The following ACTN1 variants were observed in gnomAD, a reference collection of about 807,000 sequenced individuals.
ACTN1 encodes the protein alpha-actinin-1.
ACTN1 carries 30 observed loss-of-function variants against 119.6 expected under a neutral mutation model. The observed-to-expected ratio is 0.25, with a 90% confidence interval of 0.19 to 0.34. The LOEUF is 0.34. Ranked by LOEUF, ACTN1 falls within the 10% of genes least tolerant of loss-of-function variation. The pLI is 1.00. For synonymous variants in ACTN1, 429 were observed against 472.6 expected, an observed-to-expected ratio of 0.91 and a Z score of 1.20; for missense variants, 764 against 1,223.4, an observed-to-expected ratio of 0.62 and a Z score of 5.60.
chr14:68,909,736 C>T lies in ACTN1; in HGVS notation c.515+219G>A, dbSNP rs961421735. Among the ~76,000 whole-genome samples, 1 of 152,202 alleles carries T rather than the reference C, an allele frequency of 6.6e-6. No homozygotes were observed. Among genetic ancestry groups the T allele is most frequent in the Non-Finnish European group, 1.5e-5 (1 of 68,040 alleles). ...GCGCTCCCAGTAGCAAAAGCATCAA[C>T]CAAAGTTATATCAGGCAGCAGCCCC... On this transcript the variant is annotated intron_variant, in intron 5 of 21. Transcript: ENST00000394419. This position sits in a 1 kb window ranked among gnomAD's most constrained non-coding sequence, Gnocchi z 4.1.
chr14:68,879,086 C>A lies in ACTN1; in HGVS notation c.2281-17G>T. The stretch of plus-strand genomic sequence containing the variant: ...GGAGTGATCCTGGGGCCGCGGTGCG[C>A]CAGGCAGCGAGCCATGCGGTGTCAG... On this transcript the variant is annotated splice_polypyrimidine_tract_variant and intron_variant, in intron 18 of 21. Transcript: ENST00000394419. This position sits in a 1 kb window ranked among gnomAD's most constrained non-coding sequence, Gnocchi z 4.9. The A allele has an allele frequency of 6.3e-7, 1 of 1,594,756 alleles. No individual in the cohort carries two copies. Among genetic ancestry groups the A allele is most frequent in the Non-Finnish European group, 8.6e-7 (1 of 1,169,084 alleles).
chr14:68,914,767 T>A (rs2034194274), intron 3 of ACTN1, among the ~76,000 whole-genome samples: 1 of 151,978 alleles, frequency 6.6e-6, no homozygotes, highest in Non-Finnish European at 1.5e-5. Flanking sequence ...TGAGACCCTG[T>A]CTCTTAAAAA....
At chr14:68,905,976 T>C (rs1594792375) in intron 6 of ACTN1, among the ~76,000 whole-genome samples, 1 of 135,026 alleles carries the variant, frequency 7.4e-6, no homozygotes. Flanking sequence ...GAGCAAGACC[T>C]CGTCTCAAAA....
chr14:68,908,523 C>A (rs1236969233), intron 6 of ACTN1, among the ~76,000 whole-genome samples: 1 of 152,220 alleles, frequency 6.6e-6, no homozygotes, highest in African/African-American at 2.4e-5. Context: ...CCAACCCCAA[C>A]TCCAGGTCAC....
intron 3 of ACTN1, 104 bp from the exon 4 acceptor site, chr14:68,912,346 A>G: frequency 1.1e-6 from 1 of 886,622 alleles, no homozygotes. Context: ...AGGAATCAAA[A>G]GACTCCAGAG....
At chr14:68,930,987 A>G (rs1239254977) in intron 1 of ACTN1, among the ~76,000 whole-genome samples, 1 of 152,186 alleles carries the variant, frequency 6.6e-6, no homozygotes, top group African/African-American at 2.4e-5. Context: ...AGAGGGTGAG[A>G]GGCTTTCCCC....
In ACTN1 at chr14:68,912,430, G is replaced by A. The variant is rs183503075; in HGVS notation, c.341-188C>T. 4.7e-3 allele frequency among the ~76,000 whole-genome samples: 723 copies of A among 152,294 alleles called. 9 individuals are homozygous for A. The highest frequency in any genetic ancestry group is 0.034 in the South Asian group (162 of 4,828). ...TTTTCGCTCTGTCACCCAAGCTAGCGTGCAGTGGTGCAATCATGGCTCACT... is the reference window on the plus strand; with the variant it reads ...TTTTCGCTCTGTCACCCAAGCTAGCATGCAGTGGTGCAATCATGGCTCACT... On this transcript the variant is annotated intron_variant, in intron 3 of 21. Coordinates refer to ENST00000394419, the MANE Select transcript of ACTN1 (RefSeq NM_001130004.2).
rs764096882 is a variant in ACTN1, at chr14:68,921,018, T to C, written c.328A>G (p.Ile110Val). The stretch of plus-strand genomic sequence containing the variant: ...AGGTAGGCCTTACCTTCGGCTCCGA[T>C]GGACACCAGTTTGACGCCTTTGCTG... ...IASKGVKLVS[I>V]GAEEIVDGNV... Residue 110 changes from isoleucine (I) to valine (V), a missense_variant, in exon 3 of 22, where the codon ATC becomes GTC. Around this residue, in one of 4 missense-constraint regions of ACTN1, gnomAD observed 54 missense variants for 153.2 expected, o/e 0.35. Coordinates refer to ENST00000394419, the MANE Select transcript of ACTN1 (RefSeq NM_001130004.2). 7 of 1,614,026 alleles carry C rather than the reference T, an allele frequency of 4.3e-6. No individual in the cohort carries two copies. The highest frequency in any genetic ancestry group is 1.7e-5 in the Admixed American group (1 of 59,992).
rs78870194 is a variant in ACTN1 at position 68,881,890 on chromosome 14, G to A, written c.1953+568C>T. ...GACATCAAGGGGATTAAGCTGGATC[G>A]GGCGCTCAGGAACTGACCCTAGTAT... On this transcript the variant is annotated intron_variant, in intron 16 of 21. Transcript: ENST00000394419. 8.6e-5 allele frequency among the ~76,000 whole-genome samples: 13 copies of A among 150,940 alleles called. No homozygotes were observed. In the East Asian group the frequency reaches 1.2e-3, roughly 14 times the overall value.
intron 21 of ACTN1, 49 bp from the exon 22 acceptor site, chr14:68,875,066 A>AGC (rs1263072665): frequency 6.2e-7 from 1 of 1,604,530 alleles, no homozygotes; most frequent in African/African-American, 1.3e-5. Flanking sequence ...GCAGCCGTAA[A>AGC]GCGGCGCGGC....
intron 1 of ACTN1, chr14:68,977,619 C>T (rs934867001): frequency 1.1e-5 from 3 of 275,046 alleles, no homozygotes; most frequent in African/African-American, 6.9e-5. Context: ...GTTTCAGGGC[C>T]TAGGATTCCT....
chr14:68,950,462 G>GTGTGTGTGTGTGTATATATATATA lies in ACTN1; in HGVS notation c.106-24791_106-24790insTATATATATATACACACACACACA. 3.2e-3 allele frequency among the ~76,000 whole-genome samples: 403 copies of GTGTGTGTGTGTGTATATATATATA among 125,918 alleles called. 11 individuals are homozygous for GTGTGTGTGTGTGTATATATATATA. The highest frequency in any genetic ancestry group is 0.013 in the East Asian group (68 of 5,104). The allele number at this position is 125,918 out of a possible 152,430, so 82.6% of individuals were successfully genotyped here. On this transcript the variant is annotated intron_variant, in intron 1 of 21. Transcript: ENST00000394419. ...TTTACCATAATATATATGCGTGTGT[G>GTGTGTGTGTGTGTATATATATATA]TATATATATATATATAAATCAAACA...
intron 10 of ACTN1, among the ~76,000 whole-genome samples, chr14:68,891,553 G>GTATAAAATCA (rs2032489446): frequency 6.6e-6 from 1 of 152,000 alleles, no homozygotes; most frequent in Non-Finnish European, 1.5e-5. Context: ...TTTTTTTAAA[G>GTATAAAATCA]TTGATACTGG....
rs753725900 is a variant in ACTN1, at chr14:68,932,513, C to CTTT, written c.106-6844_106-6842dup. Among the ~76,000 whole-genome samples, 649 of 87,120 alleles carry CTTT rather than the reference C, an allele frequency of 7.4e-3. 5 individuals are homozygous for CTTT. The highest frequency in any genetic ancestry group is 0.028 in the East Asian group (36 of 1,298). The allele number at this position is 87,120 out of a possible 152,430, so 57.2% of individuals were successfully genotyped here. A position where few individuals can be genotyped will look rare whatever the true frequency, so the allele number is the denominator to read the frequency against. ...AGAGAACCCTGACTAATACACCCAG[C>CTTT]TTTTTTTTTTTTTTTTTTTTTTTTT... On this transcript the variant is annotated intron_variant, in intron 1 of 21. Transcript: ENST00000394419.
At chr14:68,969,485 C>T (rs897399973) in intron 1 of ACTN1, among the ~76,000 whole-genome samples, 2 of 152,216 alleles carry the variant, frequency 1.3e-5, no homozygotes, top group Non-Finnish European at 2.9e-5. Context: ...GACTGGAAAG[C>T]GCCATTATCT....
rs1226779017 is a variant in ACTN1, at chr14:68,878,795, G to A, written c.2361+194C>T. On this transcript the variant is annotated intron_variant, in intron 19 of 21. Coordinates refer to ENST00000394419, the MANE Select transcript of ACTN1 (RefSeq NM_001130004.2). This position sits in a 1 kb window ranked among gnomAD's most constrained non-coding sequence, Gnocchi z 4.4. ...GACGGAAGACAGCGGGCACCCAGTA[G>A]GTTGCCATGAAAGACAGCAGAGGGC... is the stretch of plus-strand genomic sequence containing the variant. The A allele has an allele frequency of 6.3e-7, 1 of 1,580,150 alleles. No individual in the cohort carries two copies. Among genetic ancestry groups the A allele is most frequent in the Non-Finnish European group, 8.5e-7 (1 of 1,171,112 alleles).
At chr14:68,922,204 A>C (rs1255864455) in intron 2 of ACTN1, among the ~76,000 whole-genome samples, 1 of 152,112 alleles carries the variant, frequency 6.6e-6, no homozygotes. Context: ...GCAGGTCGAC[A>C]ATCTGGCTGC....
chr14:68,905,338 C>A (rs1039019170), intron 6 of ACTN1, among the ~76,000 whole-genome samples: 1 of 152,122 alleles, frequency 6.6e-6, no homozygotes, highest in Non-Finnish European at 1.5e-5. Flanking sequence ...AATCCTTGTG[C>A]GATGAATGCA....
At position 68,874,136 on chromosome 14, in the gene ACTN1, T is replaced by C. The variant is rs917560816; in HGVS notation, c.*723A>G. On this transcript the variant is annotated 3_prime_UTR_variant, in exon 22 of 22. Coordinates refer to ENST00000394419, the MANE Select transcript of ACTN1 (RefSeq NM_001130004.2). ...CAGGCAAAGAGCTGTCATAGGAGTG[T>C]GGTTTTTTTAATACCATCTGTGCCA... The C allele has an allele frequency of 2.6e-5, 4 of 152,216 alleles. No homozygotes were observed. Among genetic ancestry groups the C allele is most frequent in the Non-Finnish European group, 4.4e-5 (3 of 68,028 alleles). 9.4% of individuals were successfully genotyped at this position (152,216 alleles called of 1,614,324 possible). A position where few individuals can be genotyped will look rare whatever the true frequency, so the allele number is the denominator to read the frequency against.
Sources: gnomAD v4.1 joint callset for allele counts (sites outside exome capture counted in the v4.1 genomes callset) on GRCh38, gnomAD v4.1.1 for gene constraint, gnomAD v4.1.1 regional missense constraint, Gnocchi (gnomAD v3.1) non-coding constraint, MANE v1.5 for transcripts, NCBI Gene and HGNC (gene_info 2026-07-23, HGNC 2026-07-21) for gene names.